CSNK1D: variants seen among roughly 807,000 people sequenced by gnomAD.
CSNK1D encodes casein kinase I isoform delta.
A neutral mutation model predicts 46.6 loss-of-function variants in CSNK1D; 16 were observed. The ratio of observed to expected loss-of-function variants is 0.34; its 90% confidence interval spans 0.23 to 0.52. CSNK1D has a LOEUF of 0.52. Among genes scored for constraint, CSNK1D ranks in the 20% least tolerant of loss-of-function variants. CSNK1D has a pLI of 0.95. For missense variants in CSNK1D, 398 were observed against 578.4 expected (o/e 0.69, Z 3.20); for synonymous variants, 276 against 228.2 (o/e 1.21, Z -1.89).
rs1463267359 is a variant in CSNK1D, at chr17:82,242,701, C to T, written c.*2080G>A. The T allele has an allele frequency of 4.1e-6, 4 of 985,372 alleles. No individual in the cohort carries two copies. The highest frequency in any genetic ancestry group is 4.8e-6 in the Non-Finnish European group (4 of 829,832). The allele number at this position is 985,372 out of a possible 1,614,324, so 61.0% of individuals were successfully genotyped here. On this transcript the variant is annotated 3_prime_UTR_variant, in exon 9 of 9. Coordinates refer to ENST00000314028, the MANE Select transcript of CSNK1D (RefSeq NM_001893.6). ...AGTCATTATGAATTTATTATTTACA[C>T]GATTGTTAAAGTACACAAATACAGT...
At position 82,252,412 on chromosome 17, in the gene CSNK1D, G is replaced by C; in HGVS notation, c.736+22C>G. On this transcript the variant is annotated intron_variant, in intron 5 of 8. Transcript: ENST00000314028. This position sits in a 1 kb window ranked among gnomAD's most constrained non-coding sequence, Gnocchi z 4.6. ...CAACCCCTGTGAGCAGCTCCGCTGAGAAGAGGCCTCCAGAGACTTACAAGG... is the reference window on the plus strand; with the variant it reads ...CAACCCCTGTGAGCAGCTCCGCTGACAAGAGGCCTCCAGAGACTTACAAGG... 1 of 1,613,954 alleles carries C rather than the reference G, an allele frequency of 6.2e-7. No homozygotes were observed. Among genetic ancestry groups the C allele is most frequent in the Non-Finnish European group, 8.5e-7 (1 of 1,179,874 alleles).
chr17:82,264,126 AAATC>A (rs1425722801), intron 2 of CSNK1D, among the ~76,000 whole-genome samples: 4 of 152,256 alleles, frequency 2.6e-5, no homozygotes, highest in Non-Finnish European at 5.9e-5. Context: ...TCAAAGAATC[AAATC>A]AACAGTCCTC....
chr17:82,253,670 G>A (rs564519420), intron 3 of CSNK1D: 15 of 349,630 alleles, frequency 4.3e-5, no homozygotes, highest in African/African-American at 2.8e-4. Flanking sequence ...GTACCGAGAA[G>A]GTGGCCTCCA....
intron 3 of CSNK1D, chr17:82,254,417 G>T: frequency 3.7e-6 from 1 of 268,932 alleles, no homozygotes; most frequent in Non-Finnish European, 6.8e-6. Flanking sequence ...CCAGTCAGCT[G>T]AGCCGCCGGA....
At chr17:82,240,203 G>T, downstream of CSNK1D, 1 of 540,870 alleles carries the variant, frequency 1.8e-6, no homozygotes, top group Non-Finnish European at 2.8e-6. Context: ...CTCTAGCAGG[G>T]CTCAGGCTGG....
chr17:82,254,714 G>A, intron 3 of CSNK1D: 1 of 130,930 alleles, frequency 7.6e-6, no homozygotes, highest in Non-Finnish European at 1.4e-5. Flanking sequence ...TGAGCCGCCG[G>A]AGCCTCGAGA....
Position 82,252,624 on chromosome 17 carries a change from G to C in CSNK1D, c.566-20C>G. 6.2e-7 allele frequency: 1 copy of C among 1,611,892 alleles called. No homozygotes were observed. The highest frequency in any genetic ancestry group is 2.2e-5 in the East Asian group (1 of 44,860). ...ATTGTTCTGAAAAGAAAAGGGAAAG[G>C]CGTGAAGAACGGCACTTGCGTGCTC... is the stretch of plus-strand genomic sequence containing the variant. On this transcript the variant is annotated intron_variant, in intron 4 of 8. Coordinates refer to ENST00000314028, the MANE Select transcript of CSNK1D (RefSeq NM_001893.6). This position sits in a 1 kb window ranked among gnomAD's most constrained non-coding sequence, Gnocchi z 4.6.
intron 8 of CSNK1D, chr17:82,247,979 C>T (rs1177219533): frequency 2.0e-6 from 2 of 985,096 alleles, no homozygotes; most frequent in African/African-American, 3.5e-5. Context: ...CTACACCCAG[C>T]CCCGCTCACG....
chr17:82,248,300 G>A lies in CSNK1D; in HGVS notation c.1197+575C>T. On this transcript the variant is annotated intron_variant, in intron 8 of 8. Transcript: ENST00000314028. The surrounding 1 kb of genome is among the most constrained non-coding windows in gnomAD (Gnocchi z 4.1). ...AGCGAGGAGAGGAGAGACCGCTGCA[G>A]GATGCTGAAGAGGCGGTGGCCGTGG... is the stretch of plus-strand genomic sequence containing the variant. 1 of 988,286 alleles carries A rather than the reference G, an allele frequency of 1.0e-6. No individual in the cohort carries two copies. The highest frequency in any genetic ancestry group is 1.2e-6 in the Non-Finnish European group (1 of 831,618). The allele number at this position is 988,286 out of a possible 1,614,324, so 61.2% of individuals were successfully genotyped here.
rs551063237 is a variant in CSNK1D, at chr17:82,249,945, G to A, written c.886-343C>T. 195 of 1,273,338 alleles carry A rather than the reference G, an allele frequency of 1.5e-4. No individual in the cohort carries two copies. The highest frequency in any genetic ancestry group is 4.5e-4 in the Admixed American group (14 of 31,034). The allele number at this position is 1,273,338 out of a possible 1,614,324, so 78.9% of individuals were successfully genotyped here. ...ACTAACACGTGCAGAAAGAGGAGAGGGACAGGAACCATCGGAGGCCAAAGA... is the reference window on the plus strand; with the variant it reads ...ACTAACACGTGCAGAAAGAGGAGAGAGACAGGAACCATCGGAGGCCAAAGA... On this transcript the variant is annotated intron_variant, in intron 6 of 8. Transcript: ENST00000314028. The surrounding 1 kb of genome is among the most constrained non-coding windows in gnomAD (Gnocchi z 6.7).
At chr17:82,259,429 T>A (rs1327915885) in intron 2 of CSNK1D, among the ~76,000 whole-genome samples, 3 of 152,204 alleles carry the variant, frequency 2.0e-5, no homozygotes, top group African/African-American at 7.2e-5. Context: ...GTTGTGAGGC[T>A]GAGGATGATG....
intron 2 of CSNK1D, among the ~76,000 whole-genome samples, chr17:82,257,649 G>GGGCGCCCTGGGC (rs1259367818): frequency 6.6e-6 from 1 of 152,034 alleles, no homozygotes; most frequent in African/African-American, 2.4e-5. Flanking sequence ...AGCCGTGAGA[G>GGGCGCCCTGGGC]GGCGCCCTGG....
At position 82,248,837 on chromosome 17, in the gene CSNK1D, C is replaced by A. The variant is rs1878503870; in HGVS notation, c.1197+38G>T. 1.9e-6 allele frequency: 3 copies of A among 1,595,878 alleles called. No homozygotes were observed. Among genetic ancestry groups the A allele is most frequent in the South Asian group, 1.1e-5 (1 of 88,658 alleles). ...CCCGCTCTTGACTCGGACGGGGTAG[C>A]CCGAGGCCCAGCGCCCGCCCGGGAG... On this transcript the variant is annotated intron_variant, in intron 8 of 8. Coordinates refer to ENST00000314028, the MANE Select transcript of CSNK1D (RefSeq NM_001893.6). The surrounding 1 kb of genome is among the most constrained non-coding windows in gnomAD (Gnocchi z 4.1).
At chr17:82,271,580 A>G (rs2051625423) in intron 1 of CSNK1D, among the ~76,000 whole-genome samples, 1 of 152,200 alleles carries the variant, frequency 6.6e-6, no homozygotes. Flanking sequence ...GCCAAACCCA[A>G]ATGTCTAAAG....
chr17:82,272,695 C>T (rs2051660759), intron 1 of CSNK1D, among the ~76,000 whole-genome samples: 1 of 152,180 alleles, frequency 6.6e-6, no homozygotes, highest in Non-Finnish European at 1.5e-5. Context: ...GCCACTCCCC[C>T]GCTCCACACG....
intron 3 of CSNK1D, chr17:82,253,960 A>G: frequency 4.4e-6 from 1 of 229,494 alleles, no homozygotes; most frequent in South Asian, 3.5e-5. Flanking sequence ...CAGTGAGCTG[A>G]GCCGCCGGAG....
chr17:82,273,020 C>A lies in CSNK1D; in HGVS notation c.76+286G>T, dbSNP rs1425441616. 1.1e-5 allele frequency: 4 copies of A among 362,740 alleles called. No homozygotes were observed. The highest frequency in any genetic ancestry group is 2.0e-5 in the Non-Finnish European group (4 of 198,082). 22.5% of individuals were successfully genotyped at this position (362,740 alleles called of 1,614,324 possible). ...CCAGGTCGGCTCCCCAGAGACCATGCCCCACCCCGGGTCAGCTCCCCTATC... is the reference window on the plus strand; with the variant it reads ...CCAGGTCGGCTCCCCAGAGACCATGACCCACCCCGGGTCAGCTCCCCTATC... On this transcript the variant is annotated intron_variant, in intron 1 of 8. Coordinates refer to ENST00000314028, the MANE Select transcript of CSNK1D (RefSeq NM_001893.6). The surrounding 1 kb of genome is among the most constrained non-coding windows in gnomAD (Gnocchi z 5.1).
Position 82,249,087 on chromosome 17 carries a change from C to T in CSNK1D, c.1058-73G>A. 1.3e-6 allele frequency: 2 copies of T among 1,519,554 alleles called. No homozygotes were observed. Among genetic ancestry groups the T allele is most frequent in the South Asian group, 2.5e-5 (2 of 81,424 alleles). 94.1% of individuals were successfully genotyped at this position (1,519,554 alleles called of 1,614,324 possible). On this transcript the variant is annotated intron_variant, in intron 7 of 8. Transcript: ENST00000314028. This position sits in a 1 kb window ranked among gnomAD's most constrained non-coding sequence, Gnocchi z 6.7. ...CTCACTCGGGGCTTTCTATGAGAGG[C>T]TGTGGCCAGAGAGGACCCTGGGCTG... is the stretch of plus-strand genomic sequence containing the variant.
downstream of CSNK1D, among the ~76,000 whole-genome samples, chr17:82,242,319 G>A (rs2050752213): frequency 6.6e-6 from 1 of 152,208 alleles, no homozygotes; most frequent in Non-Finnish European, 1.5e-5. Context: ...GAGCACCACG[G>A]CCCTATGGCA....
Sources: allele counts gnomAD v4.1 joint callset (sites outside exome capture counted in the v4.1 genomes callset), GRCh38; gene constraint gnomAD v4.1.1; non-coding constraint Gnocchi (gnomAD v3.1); transcripts MANE v1.5; gene names NCBI Gene and HGNC (gene_info 2026-07-23, HGNC 2026-07-21).